EARS2: variants seen among roughly 807,000 people sequenced by gnomAD.
EARS2 encodes the protein glutamyl-tRNA synthetase 2, mitochondrial, also known as nondiscriminating glutamyl-tRNA synthetase EARS2, mitochondrial.
Under a neutral mutation model 54.1 loss-of-function variants are expected in EARS2, and 50 were observed. The ratio of observed to expected loss-of-function variants is 0.92; its 90% confidence interval spans 0.74 to 1.17. The LOEUF (loss-of-function observed/expected upper bound fraction) is 1.17, where lower values mean the gene tolerates loss of function less well. Among genes scored for constraint, EARS2 ranks in the 50% most tolerant of loss-of-function variants. The probability of loss-of-function intolerance (pLI) is 0.00; values close to 1 mark genes in which losing one functional copy is unlikely to be tolerated. For missense variants in EARS2, 673 were observed against 675.0 expected, an observed-to-expected ratio of 1.00 and a Z score of 0.03; for synonymous variants, 298 against 281.0, an observed-to-expected ratio of 1.06 and a Z score of -0.61.
chr16:23,551,192 C>CA (rs1261519742), intron 2 of EARS2, among the ~76,000 whole-genome samples: 4 of 152,252 alleles, frequency 2.6e-5, no homozygotes, highest in Admixed American at 6.5e-5. Flanking sequence ...AGCTCAGAGG[C>CA]ACTCCCAACT....
chr16:23,551,735 C>T (rs1965698385), intron 2 of EARS2, among the ~76,000 whole-genome samples: 1 of 151,976 alleles, frequency 6.6e-6, no homozygotes, highest in East Asian at 1.9e-4. Context: ...CTTGCTAACA[C>T]AGTGAAACCC....
At chr16:23,551,954 T>C (rs1965703078) in intron 2 of EARS2, among the ~76,000 whole-genome samples, 195 bp downstream of exon 2, 2 of 151,986 alleles carry the variant, frequency 1.3e-5, no homozygotes, top group Non-Finnish European at 2.9e-5. Context: ...AAGAAACCAG[T>C]CTTGGAGCTG....
At chr16:23,546,309 T>C (rs1029130031) in intron 2 of EARS2, 1 of 439,878 alleles carries the variant, frequency 2.3e-6, no homozygotes, top group Non-Finnish European at 4.6e-6. Context: ...ATTGGGAAGA[T>C]AAGGACATTG....
chr16:23,542,300 T>C (rs1284053877), intron 3 of EARS2, among the ~76,000 whole-genome samples: 2 of 143,700 alleles, frequency 1.4e-5, no homozygotes, highest in Non-Finnish European at 3.0e-5. Context: ...TGGCCCTTTG[T>C]GGACCTTTCA....
At chr16:23,555,951 G>A (rs76867025) in intron 1 of EARS2, among the ~76,000 whole-genome samples, 2,236 of 152,352 alleles carry the variant, frequency 0.015, 22 homozygotes, top group South Asian at 0.02. Flanking sequence ...AATAAAATGA[G>A]ATTGGTTTGT....
chr16:23,552,016 G>A, intron 2 of EARS2, 133 bp downstream of exon 2: 1 of 1,114,970 alleles, frequency 9.0e-7, no homozygotes. Flanking sequence ...ACCCCGGGCA[G>A]GGCAGTACAA....
intron 2 of EARS2, chr16:23,550,726 C>A (rs780720756): frequency 1.4e-4 from 21 of 152,262 alleles, no homozygotes; most frequent in Non-Finnish European, 2.4e-4. Context: ...CGTGAGCCAC[C>A]ACGCCCGGCC....
chr16:23,529,432 GA>G, intron 7 of EARS2, 69 bp downstream of exon 7: 1 of 1,559,008 alleles, frequency 6.4e-7, no homozygotes, highest in Non-Finnish European at 8.7e-7. Context: ...AGCCCTGAAG[GA>G]AAGAGAGCCA....
intron 7 of EARS2, among the ~76,000 whole-genome samples, chr16:23,525,687 G>T (rs1002715793): frequency 1.3e-5 from 2 of 152,108 alleles, no homozygotes; most frequent in Non-Finnish European, 2.9e-5. Flanking sequence ...TTTCTCATTT[G>T]TAAAGTGGGG....
chr16:23,539,295 G>A (rs1274847877), intron 3 of EARS2, among the ~76,000 whole-genome samples: 1 of 152,080 alleles, frequency 6.6e-6, no homozygotes, highest in Non-Finnish European at 1.5e-5. Context: ...CAATAGAAAG[G>A]ACTTGTATTG....
chr16:23,551,794 G>A (rs1202601048), intron 2 of EARS2, among the ~76,000 whole-genome samples: 2 of 152,090 alleles, frequency 1.3e-5, no homozygotes, highest in East Asian at 1.9e-4. Flanking sequence ...GGTGGCGGGC[G>A]CCTGTAGTTC....
intron 2 of EARS2, among the ~76,000 whole-genome samples, chr16:23,548,409 C>A (rs1385522611): frequency 2.6e-5 from 4 of 152,124 alleles, no homozygotes; most frequent in African/African-American, 9.7e-5. Flanking sequence ...GGGCTGCAAG[C>A]CTCATTCTCA....
At chr16:23,534,091 A>G (rs2142170177) in intron 4 of EARS2, among the ~76,000 whole-genome samples, 1 of 150,694 alleles carries the variant, frequency 6.6e-6, no homozygotes, top group East Asian at 1.9e-4. Flanking sequence ...TAGTGCTGGG[A>G]GCTGCTTCTT....
intron 2 of EARS2, among the ~76,000 whole-genome samples, chr16:23,545,446 C>T (rs1214098477): frequency 6.6e-6 from 1 of 152,168 alleles, no homozygotes; most frequent in African/African-American, 2.4e-5. Context: ...AACGTGTGAG[C>T]ACCAGGGTGC....
chr16:23,525,426 A>T, intron 7 of EARS2, 47 bp from the exon 8 acceptor site: 1 of 1,574,858 alleles, frequency 6.3e-7, no homozygotes, highest in Non-Finnish European at 8.6e-7. Context: ...GCCAATGGCA[A>T]GTGGGTGGGA....
intron 5 of EARS2, 195 bp downstream of exon 5, chr16:23,532,462 T>C (rs929231936): frequency 9.1e-5 from 41 of 448,902 alleles, no homozygotes; most frequent in Middle Eastern, 7.0e-4. Context: ...GATACTTTCA[T>C]AGAACAAGGA....
chr16:23,531,828 T>C (rs1188000827), intron 5 of EARS2, among the ~76,000 whole-genome samples: 2 of 152,186 alleles, frequency 1.3e-5, no homozygotes, highest in African/African-American at 2.4e-5. Context: ...CTAATAACTT[T>C]TTTTAAAGAC....
At chr16:23,555,562 C>G (rs147906748) in intron 1 of EARS2, among the ~76,000 whole-genome samples, 2 of 152,316 alleles carry the variant, frequency 1.3e-5, no homozygotes, top group African/African-American at 2.4e-5. Context: ...GAAATTTGGA[C>G]CCAGGCAATC....
At chr16:23,548,534 A>C (rs951342180) in intron 2 of EARS2, among the ~76,000 whole-genome samples, 4 of 152,098 alleles carry the variant, frequency 2.6e-5, no homozygotes, top group Admixed American at 6.6e-5. Flanking sequence ...TCCTCTGTGA[A>C]ACTGAAGCCT....
Sources: gnomAD v4.1 joint callset for allele counts (sites outside exome capture counted in the v4.1 genomes callset) on GRCh38, gnomAD v4.1.1 for gene constraint, MANE v1.5 for transcripts, NCBI Gene and HGNC (gene_info 2026-07-23, HGNC 2026-07-21) for gene names.